Variants in LRRC4C observed in about 807,000 individuals in gnomAD.
LRRC4C encodes the protein leucine rich repeat containing 4C, also known as leucine-rich repeat-containing protein 4C.
Under a neutral mutation model 33.6 loss-of-function variants are expected in LRRC4C, and 5 were observed. The observed-to-expected ratio is 0.15, with a 90% CI of 0.08 to 0.31. The LOEUF (loss-of-function observed/expected upper bound fraction) is 0.31. LRRC4C is among the 10% of genes least tolerant of loss of function. The probability of loss-of-function intolerance (pLI) is 1.00; values close to 1 mark genes in which losing one functional copy is unlikely to be tolerated. For missense variants in LRRC4C, 560 were observed against 796.7 expected (o/e 0.70, Z 3.58); for synonymous variants, 329 against 302.0 (o/e 1.09, Z -0.93).
chr11:41,328,488 A>T (rs905041830), intron 1 of LRRC4C, among the ~76,000 whole-genome samples: 13 of 152,076 alleles, frequency 8.5e-5, no homozygotes, highest in African/African-American at 3.1e-4. Flanking sequence ...TACTCCAGAC[A>T]AAGCCACCAC....
chr11:41,127,453 G>A (rs775024326), intron 1 of LRRC4C, among the ~76,000 whole-genome samples: 23 of 151,784 alleles, frequency 1.5e-4, no homozygotes, highest in South Asian at 2.1e-4. Context: ...TAAAGTCTGC[G>A]TTTGATTTTC....
intron 3 of LRRC4C, among the ~76,000 whole-genome samples, chr11:40,543,251 T>C (rs1245028958): frequency 6.6e-6 from 1 of 152,108 alleles, no homozygotes; most frequent in Admixed American, 6.6e-5. Context: ...TGATTCACAA[T>C]GTTGATAACT....
At chr11:40,638,214 T>C (rs1366429241) in intron 3 of LRRC4C, among the ~76,000 whole-genome samples, 1 of 152,216 alleles carries the variant, frequency 6.6e-6, no homozygotes, top group Non-Finnish European at 1.5e-5. Context: ...TTATTGACTA[T>C]CTCTGTCCAC....
intron 2 of LRRC4C, among the ~76,000 whole-genome samples, chr11:40,859,069 A>G (rs1278339442): frequency 6.6e-6 from 1 of 152,222 alleles, no homozygotes; most frequent in Non-Finnish European, 1.5e-5. Context: ...AATAGATCCC[A>G]AAAGAGGTTA....
chr11:41,261,237 C>T lies in LRRC4C; in HGVS notation c.-496+198194G>A, dbSNP rs140558579. Among the ~76,000 whole-genome samples, 61 of 152,234 alleles carry T rather than the reference C, an allele frequency of 4.0e-4. 1 individual carries two copies. The East Asian group carries it at 0.012, about 29-fold the overall frequency. On this transcript the variant is annotated intron_variant, in intron 1 of 6. Coordinates refer to ENST00000528697, the MANE Select transcript of LRRC4C (RefSeq NM_001258419.2). ...TTTCCACCGCAGCAACAAGGCACCACCTTTGAAGCAGAGAGTAAGCTTTCA... is the reference window on the plus strand; with the variant it reads ...TTTCCACCGCAGCAACAAGGCACCATCTTTGAAGCAGAGAGTAAGCTTTCA...
intron 1 of LRRC4C, among the ~76,000 whole-genome samples, chr11:41,058,994 A>G (rs1858849435): frequency 6.6e-6 from 1 of 152,164 alleles, no homozygotes; most frequent in Non-Finnish European, 1.5e-5. Context: ...TATAAGTAGA[A>G]GCTAAACAAT....
Position 40,819,939 on chromosome 11 carries a change from C to G in LRRC4C, c.-407+113696G>C, listed in dbSNP as rs182189994. Among the ~76,000 whole-genome samples, 655 of 151,490 alleles carry G rather than the reference C, an allele frequency of 4.3e-3. 1 individual carries two copies. The highest frequency in any genetic ancestry group is 6.6e-3 in the Non-Finnish European group (446 of 67,802). ...AGCAGAAACATCAGCAACTACATACCAGAGGGAAGACAAATTTCAGAATTA... is the reference window on the plus strand; with the variant it reads ...AGCAGAAACATCAGCAACTACATACGAGAGGGAAGACAAATTTCAGAATTA... On this transcript the variant is annotated intron_variant, in intron 2 of 6. Coordinates refer to ENST00000528697, the MANE Select transcript of LRRC4C (RefSeq NM_001258419.2).
chr11:41,381,338 G>A (rs920723805), intron 1 of LRRC4C, among the ~76,000 whole-genome samples: 1 of 152,062 alleles, frequency 6.6e-6, no homozygotes, highest in African/African-American at 2.4e-5. Context: ...TATAGTTAAA[G>A]AACAATAGGC....
At chr11:40,491,858 A>T (rs1954176667) in intron 3 of LRRC4C, among the ~76,000 whole-genome samples, 1 of 152,166 alleles carries the variant, frequency 6.6e-6, no homozygotes, top group Non-Finnish European at 1.5e-5. Flanking sequence ...ACAGAGGGGA[A>T]TTACACAGGG....
intron 1 of LRRC4C, among the ~76,000 whole-genome samples, chr11:40,947,735 C>G (rs1286329152): frequency 6.6e-6 from 1 of 151,908 alleles, no homozygotes; most frequent in African/African-American, 2.4e-5. Flanking sequence ...TCTTTTCTCT[C>G]CGCAGCTCTC....
chr11:40,962,010 TC>T (rs1851009439), intron 1 of LRRC4C, among the ~76,000 whole-genome samples: 1 of 151,478 alleles, frequency 6.6e-6, no homozygotes, highest in Admixed American at 6.6e-5. Flanking sequence ...ATCTCCAAGG[TC>T]TAAAATATTT....
At chr11:40,133,476 T>G (rs1237628633) in intron 6 of LRRC4C, among the ~76,000 whole-genome samples, 1 of 152,178 alleles carries the variant, frequency 6.6e-6, no homozygotes. Flanking sequence ...GCACTAAAGA[T>G]GTCTGGGATT....
chr11:40,561,251 G>A (rs565369809), intron 3 of LRRC4C, among the ~76,000 whole-genome samples: 32 of 152,074 alleles, frequency 2.1e-4, no homozygotes, highest in African/African-American at 7.2e-4. Flanking sequence ...ACTCCTTCCC[G>A]TGTCACCTTT....
chr11:40,271,945 T>C (rs933905271), intron 4 of LRRC4C, among the ~76,000 whole-genome samples: 1 of 152,174 alleles, frequency 6.6e-6, no homozygotes, highest in African/African-American at 2.4e-5. Flanking sequence ...ATTCCAGTCA[T>C]ACTACCATTT....
intron 3 of LRRC4C, among the ~76,000 whole-genome samples, chr11:40,600,029 A>G (rs1386124048): frequency 6.6e-6 from 1 of 152,216 alleles, no homozygotes; most frequent in Non-Finnish European, 1.5e-5. Flanking sequence ...GTGTATTCTC[A>G]TATAGTACAG....
intron 5 of LRRC4C, among the ~76,000 whole-genome samples, chr11:40,213,019 C>A (rs1863717480): frequency 6.6e-6 from 1 of 152,136 alleles, no homozygotes; most frequent in African/African-American, 2.4e-5. Flanking sequence ...ATCTCAGAAC[C>A]ATAATGCCAG....
chr11:41,353,705 A>T (rs1952060944), intron 1 of LRRC4C, among the ~76,000 whole-genome samples: 1 of 152,294 alleles, frequency 6.6e-6, no homozygotes, highest in South Asian at 2.1e-4. Context: ...TGAGATGCAC[A>T]GTTGGTTCAA....
At chr11:40,545,216 G>T (rs1055020164) in intron 3 of LRRC4C, among the ~76,000 whole-genome samples, 1 of 151,778 alleles carries the variant, frequency 6.6e-6, no homozygotes, top group Non-Finnish European at 1.5e-5. Context: ...TTGAATATCT[G>T]CTCTTCCTTC....
chr11:40,801,206 C>T (rs897281777), intron 2 of LRRC4C, among the ~76,000 whole-genome samples: 1 of 152,066 alleles, frequency 6.6e-6, no homozygotes, highest in Non-Finnish European at 1.5e-5. Context: ...TATTTTGCTC[C>T]CTTGAGTCAC....
Sources: allele counts gnomAD v4.1 joint callset (sites outside exome capture counted in the v4.1 genomes callset), GRCh38; gene constraint gnomAD v4.1.1; transcripts MANE v1.5; gene names NCBI Gene and HGNC (gene_info 2026-07-23, HGNC 2026-07-21).